The following CLASP2 variants were observed in gnomAD, a reference collection of about 807,000 sequenced individuals.
The protein encoded by CLASP2 is cytoplasmic linker associated protein 2.
Under a neutral mutation model 194.4 loss-of-function variants are expected in CLASP2, and 47 were observed. That is an observed-to-expected ratio of 0.24 (90% CI 0.19 to 0.31). The LOEUF (loss-of-function observed/expected upper bound fraction) is 0.31. Among genes scored for constraint, CLASP2 ranks in the 10% least tolerant of loss-of-function variants. The pLI, the probability that CLASP2 is intolerant of heterozygous loss-of-function variation, is 1.00. For missense variants in CLASP2, 1,445 were observed against 1,823.6 expected (o/e 0.79, Z 3.78); for synonymous variants, 619 against 633.5 (o/e 0.98, Z 0.34).
intron 8 of CLASP2, 48 bp downstream of exon 8, chr3:33,644,709 T>A: frequency 6.2e-7 from 1 of 1,601,798 alleles, no homozygotes; most frequent in Non-Finnish European, 8.5e-7. Flanking sequence ...TGTGGCCATA[T>A]CAAGGGCATG....
chr3:33,558,372 T>C (rs2154174658), intron 29 of CLASP2: 1 of 152,302 alleles, frequency 6.6e-6, no homozygotes, highest in South Asian at 2.1e-4. Context: ...ATTCAGAAAC[T>C]TAAGGGAAAA....
intron 13 of CLASP2, 114 bp from the exon 14 acceptor site, chr3:33,608,740 A>G (rs942761630): frequency 6.4e-6 from 2 of 313,022 alleles, no homozygotes; most frequent in South Asian, 8.3e-5. Flanking sequence ...ATGTTTTTAG[A>G]TATCTTTTTT....
At chr3:33,663,751 G>A (rs1448265735) in intron 6 of CLASP2, among the ~76,000 whole-genome samples, 5 of 152,022 alleles carry the variant, frequency 3.3e-5, no homozygotes, top group Non-Finnish European at 7.4e-5. Context: ...TTTGTGAAAA[G>A]ACAATTTTTA....
At chr3:33,564,877 A>G (rs2062415402) in intron 27 of CLASP2, among the ~76,000 whole-genome samples, 1 of 152,162 alleles carries the variant, frequency 6.6e-6, no homozygotes, top group South Asian at 2.1e-4. Flanking sequence ...GACGTGAGCC[A>G]TGTGCCTGGC....
intron 13 of CLASP2, 35 bp downstream of exon 13, chr3:33,611,966 T>C (rs765769760): frequency 2.1e-6 from 3 of 1,430,988 alleles, no homozygotes; most frequent in African/African-American, 1.4e-5. Context: ...ATCAGAGCTA[T>C]ACTAACAACA....
intron 8 of CLASP2, chr3:33,644,520 G>C (rs1350227192): frequency 2.2e-6 from 1 of 462,970 alleles, no homozygotes; most frequent in Non-Finnish European, 3.8e-6. Flanking sequence ...AATGGCATCT[G>C]AAAAATAAAT....
intron 7 of CLASP2, among the ~76,000 whole-genome samples, chr3:33,660,779 T>G (rs188888208): frequency 6.6e-6 from 1 of 152,362 alleles, no homozygotes; most frequent in Admixed American, 6.5e-5. Context: ...GCATGAACTA[T>G]TTCCACAAGA....
chr3:33,664,749 C>T (rs549194629), intron 6 of CLASP2, among the ~76,000 whole-genome samples: 1 of 152,186 alleles, frequency 6.6e-6, no homozygotes, highest in East Asian at 1.9e-4. Flanking sequence ...AAGCAGGTTG[C>T]CCAGACACAA....
intron 6 of CLASP2, among the ~76,000 whole-genome samples, chr3:33,672,601 C>T (rs947368666): frequency 6.6e-6 from 1 of 152,180 alleles, no homozygotes; most frequent in Admixed American, 6.5e-5. Context: ...TGGAGAATGA[C>T]TTTGACGAGT....
At chr3:33,654,944 G>A (rs978986370) in intron 7 of CLASP2, among the ~76,000 whole-genome samples, 1 of 151,944 alleles carries the variant, frequency 6.6e-6, no homozygotes, top group Admixed American at 6.6e-5. Flanking sequence ...ATTTAAAGGG[G>A]TCCCTTAAAA....
chr3:33,536,774 T>C (rs1415652834), intron 33 of CLASP2, among the ~76,000 whole-genome samples: 1 of 152,194 alleles, frequency 6.6e-6, no homozygotes, highest in Non-Finnish European at 1.5e-5. Flanking sequence ...GAGAATAGGC[T>C]GAATTCTGGA....
At position 33,606,695 on chromosome 3, in the gene CLASP2, C is replaced by T. The variant is rs770201060; in HGVS notation, c.1590G>A (p.Glu530=). Residue 530 remains glutamate (E), a synonymous_variant, in exon 16 of 39, where the codon GAG becomes GAA. Coordinates refer to ENST00000682230, the MANE Select transcript of CLASP2 (RefSeq NM_001365631.1). ...GEAETLYNSL[E]PSYQKSLQTY... ...TTTGAAGACTCTTCTGATAAGATGGCTCAAGGGAATTATATAATGTTTCAG... is the reference window on the plus strand; with the variant it reads ...TTTGAAGACTCTTCTGATAAGATGGTTCAAGGGAATTATATAATGTTTCAG... The T allele has an allele frequency of 1.2e-6, 2 of 1,613,146 alleles. No homozygotes were observed. The highest frequency in any genetic ancestry group is 4.5e-5 in the East Asian group (2 of 44,848).
intron 36 of CLASP2, chr3:33,514,586 C>A: frequency 4.5e-6 from 1 of 222,954 alleles, no homozygotes. Flanking sequence ...ATACCTAATG[C>A]TATTGCTCAG....
intron 21 of CLASP2, among the ~76,000 whole-genome samples, chr3:33,587,905 T>C (rs749775015): frequency 2.6e-5 from 4 of 152,148 alleles, no homozygotes; most frequent in Non-Finnish European, 4.4e-5. Context: ...TACAATATGG[T>C]ATTCTATTAA....
intron 1 of CLASP2, among the ~76,000 whole-genome samples, chr3:33,697,845 T>C (rs1371079603): frequency 2.0e-5 from 3 of 152,176 alleles, no homozygotes; most frequent in Admixed American, 2.0e-4. Flanking sequence ...GTAGGTCACA[T>C]GTGACAGAGG....
At chr3:33,680,116 A>C (rs2089543387) in intron 6 of CLASP2, among the ~76,000 whole-genome samples, 1 of 152,252 alleles carries the variant, frequency 6.6e-6, no homozygotes, top group Non-Finnish European at 1.5e-5. Context: ...AAGTGAAAGA[A>C]GACAATTTGA....
intron 36 of CLASP2, among the ~76,000 whole-genome samples, chr3:33,515,584 G>T (rs1312013695): frequency 6.6e-6 from 1 of 152,174 alleles, no homozygotes; most frequent in Non-Finnish European, 1.5e-5. Flanking sequence ...GGGAGGCTGA[G>T]GCTGCAGTGA....
chr3:33,649,219 T>A (rs1484572759), intron 7 of CLASP2, among the ~76,000 whole-genome samples: 2 of 152,178 alleles, frequency 1.3e-5, no homozygotes, highest in Non-Finnish European at 2.9e-5. Context: ...TCAAAGAAGT[T>A]TTCTCTGGAT....
At chr3:33,605,797 G>C (rs2073693994) in intron 16 of CLASP2, among the ~76,000 whole-genome samples, 1 of 152,106 alleles carries the variant, frequency 6.6e-6, no homozygotes, top group African/African-American at 2.4e-5. Flanking sequence ...TTTTAGTAGA[G>C]ATGGGGTTTC....
Sources: gnomAD v4.1 joint callset for allele counts (sites outside exome capture counted in the v4.1 genomes callset) on GRCh38, gnomAD v4.1.1 for gene constraint, MANE v1.5 for transcripts, NCBI Gene and HGNC (gene_info 2026-07-23, HGNC 2026-07-21) for gene names.